The following ADGRA3 variants were observed in gnomAD, a reference collection of about 807,000 sequenced individuals.
ADGRA3 encodes the protein G-protein coupled receptor 125.
ADGRA3 carries 56 observed loss-of-function variants against 119.8 expected under a neutral mutation model. That is an observed-to-expected ratio of 0.47 (90% CI 0.38 to 0.58). The LOEUF is 0.58. ADGRA3 is among the 20% of genes least tolerant of loss of function. ADGRA3 has a pLI of 0.00. For synonymous variants in ADGRA3, 607 were observed against 623.8 expected (o/e 0.97, Z 0.40); for missense variants, 1,516 against 1,649.0 (o/e 0.92, Z 1.40).
chr4:22,438,853 C>T (rs6448156), intron 7 of ADGRA3, among the ~76,000 whole-genome samples: 98,189 of 152,006 alleles, frequency 0.65, 32,996 homozygotes, highest in Non-Finnish European at 0.74. Flanking sequence ...AAAAGTTAGC[C>T]GGGTGTTGTG....
At position 22,397,985 on chromosome 4, in the gene ADGRA3, T is replaced by TGAGA. The variant is rs779427662; in HGVS notation, c.2481+3442_2481+3445dup. ...AATCTCCGAAACAGTAACAATAAAG[T>TGAGA]GAGACCTGCAAGGTAAGTGGGAGTC... On this transcript the variant is annotated intron_variant, in intron 16 of 18. Transcript: ENST00000334304. 61 of 659,566 alleles carry TGAGA rather than the reference T, an allele frequency of 9.2e-5. 1 individual carries two copies. Among genetic ancestry groups the TGAGA allele is most frequent in the Middle Eastern group, 7.4e-4 (1 of 1,350 alleles). The allele number at this position is 659,566 out of a possible 1,614,324, so 40.9% of individuals were successfully genotyped here.
rs1300888049 is a variant in ADGRA3 at position 22,390,364 on chromosome 4, C to A, written c.2628-1181G>T. On this transcript the variant is annotated intron_variant, in intron 17 of 18. Transcript: ENST00000334304. ...AAATACATATTATATATATATAATA[C>A]GTATTATATATATATAATACGTATT... 2.1e-3 allele frequency among the ~76,000 whole-genome samples: 30 copies of A among 14,474 alleles called. 1 individual carries two copies. Among genetic ancestry groups the A allele is most frequent in the African/African-American group, 3.6e-3 (27 of 7,560 alleles). 9.5% of individuals were successfully genotyped at this position (14,474 alleles called of 152,430 possible). A position where few individuals can be genotyped will look rare whatever the true frequency, so the allele number is the denominator to read the frequency against.
chr4:22,498,765 T>C (rs79109222), intron 1 of ADGRA3, among the ~76,000 whole-genome samples: 9,514 of 151,730 alleles, frequency 0.063, 515 homozygotes, highest in African/African-American at 0.15. Flanking sequence ...AATACAAAAA[T>C]TAGCCAGGCG....
intron 16 of ADGRA3, among the ~76,000 whole-genome samples, chr4:22,395,054 TC>T (rs1714294068): frequency 6.6e-6 from 1 of 152,170 alleles, no homozygotes; most frequent in African/African-American, 2.4e-5. Context: ...TCCAAATAAA[TC>T]AGAGATGTAC....
chr4:22,448,030 T>C (rs1186383444), intron 4 of ADGRA3, among the ~76,000 whole-genome samples: 2 of 152,174 alleles, frequency 1.3e-5, no homozygotes, highest in Non-Finnish European at 2.9e-5. Context: ...AATTCCACGT[T>C]GCTCTTGGGC....
intron 4 of ADGRA3, among the ~76,000 whole-genome samples, chr4:22,451,890 C>T (rs1204959164): frequency 6.6e-6 from 1 of 152,176 alleles, no homozygotes; most frequent in African/African-American, 2.4e-5. Flanking sequence ...CATTCCTAAT[C>T]ATATTCTCTT....
chr4:22,415,051 G>A (rs1434819490), intron 12 of ADGRA3, among the ~76,000 whole-genome samples: 3 of 151,496 alleles, frequency 2.0e-5, no homozygotes, highest in Non-Finnish European at 4.4e-5. Flanking sequence ...ACAACACTCT[G>A]CACACATTAG....
chr4:22,467,359 AACTG>A (rs1328069335), intron 2 of ADGRA3, among the ~76,000 whole-genome samples: 1 of 152,196 alleles, frequency 6.6e-6, no homozygotes, highest in Non-Finnish European at 1.5e-5. Flanking sequence ...GCAACTCCCC[AACTG>A]ACCCTCATTT....
At chr4:22,404,691 A>G (rs550959178) in intron 14 of ADGRA3, among the ~76,000 whole-genome samples, 4 of 152,292 alleles carry the variant, frequency 2.6e-5, no homozygotes, top group African/African-American at 9.6e-5. Flanking sequence ...GACCAGAGAA[A>G]AGCGTGTCAG....
chr4:22,426,476 T>C (rs928301965), intron 10 of ADGRA3, among the ~76,000 whole-genome samples: 8 of 152,232 alleles, frequency 5.3e-5, no homozygotes, highest in Non-Finnish European at 1.2e-4. Context: ...TAAATGTTCA[T>C]GATTACTGTT....
In ADGRA3 at chr4:22,388,492, G is replaced by A. The variant is rs1274992241; in HGVS notation, c.3179C>T (p.Thr1060Ile). Residue 1060 changes from threonine (T) to isoleucine (I), a missense_variant, in exon 19 of 19, where the codon ACT becomes ATT. Transcript: ENST00000334304. ...ATACGAGCTCCGTCCTGGGCAGCAA[G>A]TCATGATCCACGCAAGTCTAACATC... ...REDVRLAWIM[T>I]CCPGRSSYSV... is the part of the protein sequence containing the mutation. 1.9e-6 allele frequency: 3 copies of A among 1,613,996 alleles called. No homozygotes were observed. The highest frequency in any genetic ancestry group is 2.5e-6 in the Non-Finnish European group (3 of 1,180,020).
In ADGRA3 at chr4:22,424,223, G is replaced by C. The variant is rs200043303; in HGVS notation, c.1573C>G (p.Arg525Gly). 6.2e-7 allele frequency: 1 copy of C among 1,612,276 alleles called. No homozygotes were observed. Among genetic ancestry groups the C allele is most frequent in the Non-Finnish European group, 8.5e-7 (1 of 1,179,280 alleles). The change falls in exon 11 of 19, where the codon CGG becomes GGG. Residue 525 changes from arginine to glycine, a missense_variant. Around this residue, in one of 2 missense-constraint regions of ADGRA3, gnomAD observed 1,088 missense variants for 1,107.1 expected, o/e 0.98. Coordinates refer to ENST00000334304, the MANE Select transcript of ADGRA3 (RefSeq NM_145290.4). Reference protein sequence around the residue: ...VQCLQRIATYRLAGGAHVYST... With the variant: ...VQCLQRIATYGLAGGAHVYST... ...TAAACGTGAGCTCCACCGGCTAGCC[G>C]GTAGGTAGCAATGCGCTGAAGACAC...
At chr4:22,399,061 A>G (rs1479541447) in intron 16 of ADGRA3, among the ~76,000 whole-genome samples, 4 of 152,164 alleles carry the variant, frequency 2.6e-5, no homozygotes, top group African/African-American at 4.8e-5. Flanking sequence ...CTGCTGATGG[A>G]AAAGGCATAA....
chr4:22,429,084 C>G (rs1282634666), intron 10 of ADGRA3, among the ~76,000 whole-genome samples: 1 of 152,096 alleles, frequency 6.6e-6, no homozygotes, highest in Non-Finnish European at 1.5e-5. Flanking sequence ...AGGTCTCATG[C>G]TTGATCCTCA....
At chr4:22,492,103 A>G (rs1387720713) in intron 1 of ADGRA3, among the ~76,000 whole-genome samples, 2 of 152,202 alleles carry the variant, frequency 1.3e-5, no homozygotes, top group African/African-American at 4.8e-5. Flanking sequence ...TACACTGCCC[A>G]TGTTACAGCA....
intron 1 of ADGRA3, among the ~76,000 whole-genome samples, chr4:22,495,979 A>G (rs921191840): frequency 5.3e-5 from 8 of 152,230 alleles, no homozygotes; most frequent in Non-Finnish European, 1.2e-4. Context: ...TCATTCTGCA[A>G]CACTAATAAT....
intron 6 of ADGRA3, among the ~76,000 whole-genome samples, chr4:22,443,437 TAA>T (rs201381119): frequency 0.021 from 3,206 of 152,256 alleles, 122 homozygotes; most frequent in African/African-American, 0.072. Flanking sequence ...ACTAGTTCAT[TAA>T]AAGACTTCTA....
intron 12 of ADGRA3, among the ~76,000 whole-genome samples, chr4:22,418,505 C>T (rs1164201726): frequency 6.6e-6 from 1 of 152,078 alleles, no homozygotes; most frequent in African/African-American, 2.4e-5. Flanking sequence ...AGAATTAGCA[C>T]AAGCCTGCTT....
chr4:22,395,338 C>G lies in ADGRA3; in HGVS notation c.2482-2648G>C, dbSNP rs138569859. Among the ~76,000 whole-genome samples, 578 of 151,880 alleles carry G rather than the reference C, an allele frequency of 3.8e-3. 7 individuals carry two copies. Among genetic ancestry groups the G allele is most frequent in the African/African-American group, 0.013 (535 of 41,410 alleles). On this transcript the variant is annotated intron_variant, in intron 16 of 18. Coordinates refer to ENST00000334304, the MANE Select transcript of ADGRA3 (RefSeq NM_145290.4). Reference sequence around the variant, plus strand: ...AGTGCATTATGCATAACAATTGTGCCAAAAAATAAACTTTATGATGAATAC... The same window carrying G: ...AGTGCATTATGCATAACAATTGTGCGAAAAAATAAACTTTATGATGAATAC...
Sources: allele counts gnomAD v4.1 joint callset (sites outside exome capture counted in the v4.1 genomes callset), GRCh38; gene constraint gnomAD v4.1.1; regional missense constraint gnomAD v4.1.1; transcripts MANE v1.5; gene names NCBI Gene and HGNC (gene_info 2026-07-23, HGNC 2026-07-21).